Variants in GJA3 observed in about 807,000 individuals in gnomAD.
GJA3 encodes gap junction alpha-3 protein.
For synonymous variants in GJA3, 297 were observed against 292.6 expected (o/e 1.02, Z -0.15); for missense variants, 571 against 620.3 (o/e 0.92, Z 0.84).
intron 1 of GJA3, among the ~76,000 whole-genome samples, chr13:20,152,316 C>CA (rs58835518): frequency 0.39 from 12,921 of 32,890 alleles, 798 homozygotes; most frequent in African/African-American, 0.52. Context: ...GTCTCTGGAA[C>CA]GAGTCACAGC....
At chr13:20,160,063 T>G (rs976649120) in intron 1 of GJA3, among the ~76,000 whole-genome samples, 4 of 151,940 alleles carry the variant, frequency 2.6e-5, no homozygotes, top group African/African-American at 9.7e-5. Flanking sequence ...AAAACTGGAG[T>G]TCTAAAGTTG....
In GJA3 at chr13:20,142,294, G is replaced by T. The variant is rs752918056; in HGVS notation, c.995C>A (p.Ala332Glu). The T allele has an allele frequency of 3.8e-6, 6 of 1,568,952 alleles. No individual in the cohort carries two copies. Among genetic ancestry groups the T allele is most frequent in the Non-Finnish European group, 5.2e-6 (6 of 1,159,502 alleles). Residue 332 changes from alanine (A) to glutamate (E), a missense_variant, in exon 2 of 2, where the codon GCG becomes GAG. Physicochemically the swap from Ala to Glu is moderately radical, Grantham distance 107. Transcript: ENST00000241125. ...LMTEQNWANQAAERQPPALKA... is the reference protein window; with the variant it reads ...LMTEQNWANQEAERQPPALKA... ...GAGCGCCGGGGGCTGCCGCTCGGCC[G>T]CCTGGTTGGCCCAGTTCTGCTCAGT...
chr13:20,148,377 A>G (rs1029357496), intron 1 of GJA3, among the ~76,000 whole-genome samples: 1 of 148,578 alleles, frequency 6.7e-6, no homozygotes, highest in Non-Finnish European at 1.5e-5. Flanking sequence ...CTCCCACCTC[A>G]GCCTACCAAG....
In GJA3 at chr13:20,142,897, G is replaced by A. The variant is rs774444626; in HGVS notation, c.392C>T (p.Ser131Leu). The A allele has an allele frequency of 2.3e-5, 37 of 1,593,724 alleles. No individual in the cohort carries two copies. In the Admixed American group the frequency reaches 3.6e-4, roughly 15 times the overall value. Residue 131 changes from serine (S) to leucine (L), a missense_variant, in exon 2 of 2, where the codon TCG (serine) becomes TTG (leucine). By Grantham distance (145) the Ser-to-Leu change is moderately radical. Transcript: ENST00000241125. Reference sequence around the variant, plus strand: ...CACCCTGCCGCGGTCGTCCCGCGACGAGGGATTGTCCTGCGGTGGCTCCTT... The same window carrying A: ...CACCCTGCCGCGGTCGTCCCGCGACAAGGGATTGTCCTGCGGTGGCTCCTT... ...SPKEPPQDNP[S>L]SRDDRGRVRM...
chr13:20,151,681 G>A (rs1455644041), intron 1 of GJA3, among the ~76,000 whole-genome samples: 1 of 152,136 alleles, frequency 6.6e-6, no homozygotes, highest in Non-Finnish European at 1.5e-5. Context: ...GTGGGCTCAA[G>A]GGACGGCGAG....
chr13:20,158,912 CAAAAAAAAAAAAAA>C (rs1159654355), intron 1 of GJA3, among the ~76,000 whole-genome samples: 1 of 54,958 alleles, frequency 1.8e-5, no homozygotes, highest in Admixed American at 2.6e-4. Context: ...GCAAAACTCT[CAAAAAAAAAAAAAA>C]AAAAAAAAAA....
At chr13:20,153,983 C>A (rs1958894041) in intron 1 of GJA3, among the ~76,000 whole-genome samples, 1 of 152,116 alleles carries the variant, frequency 6.6e-6, no homozygotes, top group Non-Finnish European at 1.5e-5. Context: ...ACCCCTGTTA[C>A]CCACACCAGC....
chr13:20,142,353 G>A lies in GJA3; in HGVS notation c.936C>T (p.Ala312=). The change falls in exon 2 of 2, where the codon GCC becomes GCT. Residue 312 remains alanine, a synonymous_variant. Transcript: ENST00000241125. ...LTEARGKGQS[A]KLYNGHHHLL... ...GGTGGTGGTGGCCGTTGTAGAGCTT[G>A]GCGGACTGGCCCTTTCCGCGCGCCT... The A allele has an allele frequency of 6.5e-7, 1 of 1,548,746 alleles. No individual in the cohort carries two copies. The highest frequency in any genetic ancestry group is 2.4e-5 in the East Asian group (1 of 41,654).
intron 1 of GJA3, among the ~76,000 whole-genome samples, chr13:20,145,481 G>A (rs1958836392): frequency 6.6e-6 from 1 of 152,162 alleles, no homozygotes; most frequent in Non-Finnish European, 1.5e-5. Flanking sequence ...CCCCCAGGAG[G>A]GATGTCTGGG....
rs1958802627 is a variant in GJA3, at chr13:20,140,774, G to C, written c.*1207C>G. 6.6e-6 allele frequency: 1 copy of C among 152,234 alleles called. No homozygotes were observed. The highest frequency in any genetic ancestry group is 1.5e-5 in the Non-Finnish European group (1 of 68,046). The allele number at this position is 152,234 out of a possible 1,614,324, so 9.4% of individuals were successfully genotyped here. A position where few individuals can be genotyped will look rare whatever the true frequency, so the allele number is the denominator to read the frequency against. On this transcript the variant is annotated 3_prime_UTR_variant, in exon 2 of 2. Transcript: ENST00000241125. Reference sequence around the variant, plus strand: ...AGACACTTATATTATTTACACTGGAGAAAGCAAACAGGCTGCCCACAAAGA... The same window carrying C: ...AGACACTTATATTATTTACACTGGACAAAGCAAACAGGCTGCCCACAAAGA...
rs1366634744 is a variant in GJA3 at position 20,139,093 on chromosome 13, C to T, written c.*2888G>A. ...TTCGTGTCAATTTTATTAAAAAATA[C>T]AAGAATAACCATTAAAAGTTTAAAA... On this transcript the variant is annotated 3_prime_UTR_variant, in exon 2 of 2. Transcript: ENST00000241125. 1 of 151,664 alleles carries T rather than the reference C, an allele frequency of 6.6e-6. No individual in the cohort carries two copies. Among genetic ancestry groups the T allele is most frequent in the Admixed American group, 6.6e-5 (1 of 15,242 alleles). 9.4% of individuals were successfully genotyped at this position (151,664 alleles called of 1,614,324 possible).
intron 1 of GJA3, 94 bp from the exon 2 acceptor site, chr13:20,143,399 G>C: frequency 1.3e-6 from 1 of 752,420 alleles, no homozygotes; most frequent in Non-Finnish European, 2.1e-6. Context: ...ATGGTACTGG[G>C]ATGGGGCTGA....
At chr13:20,150,352 G>A (rs1272315631) in intron 1 of GJA3, among the ~76,000 whole-genome samples, 3 of 149,576 alleles carry the variant, frequency 2.0e-5, no homozygotes, top group Non-Finnish European at 4.4e-5. Flanking sequence ...TGAAGAGGGA[G>A]GCAGGAGACC....
At chr13:20,157,133 A>C (rs1277756610) in intron 1 of GJA3, among the ~76,000 whole-genome samples, 1 of 152,244 alleles carries the variant, frequency 6.6e-6, no homozygotes, top group African/African-American at 2.4e-5. Flanking sequence ...AAGTTTTAAA[A>C]ATTGAATAAT....
In GJA3 at chr13:20,138,707, C is replaced by G. The variant is rs1958790603; in HGVS notation, c.*3274G>C. On this transcript the variant is annotated 3_prime_UTR_variant, in exon 2 of 2. Transcript: ENST00000241125. ...GGACTCTATTCATCTTTGGAAAACACATTTACTCTCTTAAATCATGCAATA... is the reference window on the plus strand; with the variant it reads ...GGACTCTATTCATCTTTGGAAAACAGATTTACTCTCTTAAATCATGCAATA... The G allele has an allele frequency of 6.6e-6, 1 of 152,224 alleles. No individual in the cohort carries two copies. The highest frequency in any genetic ancestry group is 1.5e-5 in the Non-Finnish European group (1 of 68,036). 9.4% of individuals were successfully genotyped at this position (152,224 alleles called of 1,614,324 possible). A position where few individuals can be genotyped will look rare whatever the true frequency, so the allele number is the denominator to read the frequency against.
intron 1 of GJA3, among the ~76,000 whole-genome samples, chr13:20,146,400 T>G (rs1958843090): frequency 6.6e-6 from 1 of 152,320 alleles, no homozygotes; most frequent in South Asian, 2.1e-4. Flanking sequence ...AACTACTTAT[T>G]CAACTGGTAA....
At chr13:20,160,599 G>A (rs1958931443) in intron 1 of GJA3, among the ~76,000 whole-genome samples, 1 of 152,240 alleles carries the variant, frequency 6.6e-6, no homozygotes, top group South Asian at 2.1e-4. Flanking sequence ...TGTCCATCAA[G>A]GGAAGCCAAA....
Position 20,142,464 on chromosome 13 carries a change from G to A in GJA3, c.825C>T (p.Thr275=), listed in dbSNP as rs1193010495. The change falls in exon 2 of 2, where the codon ACC becomes ACT. Residue 275 remains threonine, a synonymous_variant. Coordinates refer to ENST00000241125, the MANE Select transcript of GJA3 (RefSeq NM_021954.4). The stretch of plus-strand genomic sequence containing the variant: ...CGCGGGCCTGTCCCAGGGGCGCAGC[G>A]GTGTGCGCATAGTAGGGTGGGAACC... ...AIGFPPYYAH[T]AAPLGQARAV... 1.3e-6 allele frequency: 2 copies of A among 1,536,696 alleles called. No individual in the cohort carries two copies. The highest frequency in any genetic ancestry group is 1.4e-5 in the African/African-American group (1 of 72,982).
Position 20,142,886 on chromosome 13 carries a change from C to G in GJA3, c.403G>C (p.Asp135His). 1 of 1,597,908 alleles carries G rather than the reference C, an allele frequency of 6.3e-7. No individual in the cohort carries two copies. The highest frequency in any genetic ancestry group is 8.5e-7 in the Non-Finnish European group (1 of 1,172,224). ...PPQDNPSSRD[D>H]RGRVRMAGAL... ...CCGGCCATGCGCACCCTGCCGCGGT[C>G]GTCCCGCGACGAGGGATTGTCCTGC... The change falls in exon 2 of 2, where the codon GAC becomes CAC. Residue 135 changes from aspartate (D) to histidine (H), a missense_variant. Asp to His is a moderately conservative substitution (Grantham distance 81). Coordinates refer to ENST00000241125, the MANE Select transcript of GJA3 (RefSeq NM_021954.4).
Sources: allele counts gnomAD v4.1 joint callset (sites outside exome capture counted in the v4.1 genomes callset), GRCh38; gene constraint gnomAD v4.1.1; transcripts MANE v1.5; gene names NCBI Gene and HGNC (gene_info 2026-07-23, HGNC 2026-07-21).